DENND4A: variants seen among roughly 807,000 people sequenced by gnomAD.
DENND4A encodes DENN domain containing 4A.
In DENND4A, 70 loss-of-function variants were observed where a neutral mutation model predicts 199.3. The observed-to-expected ratio is 0.35, with a 90% CI of 0.29 to 0.43. The LOEUF (loss-of-function observed/expected upper bound fraction) is 0.43, where lower values mean the gene tolerates loss of function less well. DENND4A is among the 20% of genes least tolerant of loss of function. DENND4A has a pLI of 1.00. For synonymous variants in DENND4A, 686 were observed against 766.9 expected, an observed-to-expected ratio of 0.89 and a Z score of 1.74; for missense variants, 1,723 against 2,255.8, an observed-to-expected ratio of 0.76 and a Z score of 4.78.
At position 65,702,040 on chromosome 15, in the gene DENND4A, A is replaced by G. The variant is rs376712510; in HGVS notation, c.2431-150T>C. On this transcript the variant is annotated intron_variant, in intron 17 of 32. Coordinates refer to ENST00000443035, the MANE Select transcript of DENND4A (RefSeq NM_001320835.1). ...CATTTTGGGAGGGCAAGGCAGGTGA[A>G]GCTCTGGAGCCCAGGAGCTTCTGAC... 8.2e-4 allele frequency: 918 copies of G among 1,121,176 alleles called. 3 individuals carry two copies. Among genetic ancestry groups the G allele is most frequent in the South Asian group, 6.9e-3 (466 of 67,744 alleles). 69.5% of individuals were successfully genotyped at this position (1,121,176 alleles called of 1,614,324 possible). A position where few individuals can be genotyped will look rare whatever the true frequency, so the allele number is the denominator to read the frequency against.
intron 4 of DENND4A, among the ~76,000 whole-genome samples, chr15:65,743,563 A>C (rs1474600728): frequency 6.6e-6 from 1 of 152,200 alleles, no homozygotes; most frequent in East Asian, 1.9e-4. Flanking sequence ...TTTTTACTAC[A>C]GCACTTAACA....
At position 65,723,670 on chromosome 15, in the gene DENND4A, T is replaced by C. The variant is rs577878490; in HGVS notation, c.1488-722A>G. 4.0e-4 allele frequency among the ~76,000 whole-genome samples: 61 copies of C among 152,282 alleles called. No homozygotes were observed. In the South Asian group the frequency reaches 7.7e-3, roughly 19 times the overall value. ...TATTTACTATGTTTTTTCCCAAGCA[T>C]ATATACCTATGATAAAGTTCAATTT... is the stretch of plus-strand genomic sequence containing the variant. On this transcript the variant is annotated intron_variant, in intron 11 of 32. Transcript: ENST00000443035.
chr15:65,716,908 T>C (rs1030313821), intron 13 of DENND4A, among the ~76,000 whole-genome samples: 2 of 152,056 alleles, frequency 1.3e-5, no homozygotes, highest in Non-Finnish European at 2.9e-5. Context: ...CCAGCACCTG[T>C]TGTTTCCTGA....
At chr15:65,728,460 TA>T (rs1389990659) in intron 11 of DENND4A, among the ~76,000 whole-genome samples, 1 of 151,636 alleles carries the variant, frequency 6.6e-6, no homozygotes, top group Non-Finnish European at 1.5e-5. Context: ...TCCCTTTGGC[TA>T]AATTTCTTTT....
chr15:65,754,735 G>A lies in DENND4A; in HGVS notation c.311+1405C>T, dbSNP rs116633318. On this transcript the variant is annotated intron_variant, in intron 3 of 32. Transcript: ENST00000443035. ...ATGAGATACCATCTCACACCTGCTGGGACAGCAATAATCAAAATAATATGA... is the reference window on the plus strand; with the variant it reads ...ATGAGATACCATCTCACACCTGCTGAGACAGCAATAATCAAAATAATATGA... Among the ~76,000 whole-genome samples the A allele has an allele frequency of 5.1e-3, 776 of 152,208 alleles. 10 individuals carry two copies. The highest frequency in any genetic ancestry group is 0.018 in the African/African-American group (729 of 41,514).
intron 1 of DENND4A, among the ~76,000 whole-genome samples, chr15:65,790,099 A>AT (rs1248095252): frequency 6.6e-6 from 1 of 152,140 alleles, no homozygotes; most frequent in African/African-American, 2.4e-5. Flanking sequence ...TTCTGCCATA[A>AT]TTTTTTTAAT....
At position 65,690,864 on chromosome 15, in the gene DENND4A, C is replaced by T; in HGVS notation, c.3730G>A (p.Ala1244Thr). The T allele has an allele frequency of 6.2e-7, 1 of 1,612,080 alleles. No individual in the cohort carries two copies. Among genetic ancestry groups the T allele is most frequent in the South Asian group, 1.1e-5 (1 of 90,856 alleles). ...ATTTCTTCAGCTAAATCACGCCTAG[C>T]AGATGGTGTTGAAATGCTTTTGCTA... The part of the protein sequence containing the change: ...DDSKSISTPS[A>T]RRDLAEEIVM... Residue 1244 changes from alanine (A) to threonine (T), a missense_variant, in exon 23 of 33, where the codon GCT becomes ACT. Ala to Thr is a moderately conservative substitution (Grantham distance 58). Transcript: ENST00000443035.
rs2075793389 is a variant in DENND4A at position 65,659,546 on chromosome 15, C to T, written c.*2305G>A. On this transcript the variant is annotated 3_prime_UTR_variant, in exon 33 of 33. Coordinates refer to ENST00000443035, the MANE Select transcript of DENND4A (RefSeq NM_001320835.1). Reference sequence around the variant, plus strand: ...AGAGACAGGGTCTCTCTATGTTGCTCAGGCTGGTTTTGAACTCCTGGACTC... The same window carrying T: ...AGAGACAGGGTCTCTCTATGTTGCTTAGGCTGGTTTTGAACTCCTGGACTC... 1.3e-5 allele frequency: 2 copies of T among 151,806 alleles called. No individual in the cohort carries two copies. Among genetic ancestry groups the T allele is most frequent in the Non-Finnish European group, 2.9e-5 (2 of 67,962 alleles). The allele number at this position is 151,806 out of a possible 1,614,324, so 9.4% of individuals were successfully genotyped here. A position where few individuals can be genotyped will look rare whatever the true frequency, so the allele number is the denominator to read the frequency against.
chr15:65,700,472 A>T, intron 20 of DENND4A, 72 bp downstream of exon 20: 1 of 1,026,006 alleles, frequency 9.7e-7, no homozygotes, highest in Non-Finnish European at 1.3e-6. Context: ...ATGAAAATGT[A>T]AAAAAACATA....
At chr15:65,731,457 A>T in intron 9 of DENND4A, 185 bp downstream of exon 9, 1 of 621,830 alleles carries the variant, frequency 1.6e-6, no homozygotes. Context: ...ACAAAACACT[A>T]TTAGAAAAGT....
chr15:65,698,479 CG>C (rs1555420001), intron 20 of DENND4A, among the ~76,000 whole-genome samples: 2 of 151,832 alleles, frequency 1.3e-5, no homozygotes, highest in Non-Finnish European at 2.9e-5. Flanking sequence ...ATTTGTAAAA[CG>C]TAAGGTTGTT....
chr15:65,731,778 AAAT>A, intron 8 of DENND4A, 78 bp from the exon 9 acceptor site: 4 of 1,017,630 alleles, frequency 3.9e-6, no homozygotes, highest in East Asian at 5.4e-5. Context: ...AAAATATATA[AAAT>A]AATGATTATG....
intron 1 of DENND4A, among the ~76,000 whole-genome samples, chr15:65,762,081 C>T (rs1182661306): frequency 2.0e-5 from 3 of 152,158 alleles, no homozygotes; most frequent in Non-Finnish European, 4.4e-5. Flanking sequence ...GATCTCGGCT[C>T]ACCGCAACCT....
chr15:65,773,813 T>C (rs1188504785), intron 1 of DENND4A, among the ~76,000 whole-genome samples: 1 of 152,166 alleles, frequency 6.6e-6, no homozygotes, highest in Non-Finnish European at 1.5e-5. Flanking sequence ...CTCCTTCTCA[T>C]CTCAGTCACT....
intron 4 of DENND4A, among the ~76,000 whole-genome samples, chr15:65,746,211 A>G (rs1264472053): frequency 3.3e-5 from 5 of 151,924 alleles, no homozygotes; most frequent in African/African-American, 9.7e-5. Flanking sequence ...GTGAAAAAAG[A>G]AGGAGGCATT....
intron 14 of DENND4A, 66 bp from the exon 15 acceptor site, chr15:65,706,290 G>T: frequency 7.3e-7 from 1 of 1,375,466 alleles, no homozygotes; most frequent in African/African-American, 1.5e-5. Context: ...CATATAAAGG[G>T]AAGTGGTTAA....
chr15:65,693,615 A>G (rs992685374), intron 22 of DENND4A, among the ~76,000 whole-genome samples: 2 of 151,002 alleles, frequency 1.3e-5, no homozygotes, highest in Non-Finnish European at 3.0e-5. Flanking sequence ...CACCCTCTCA[A>G]TTCCTCCTTT....
chr15:65,698,484 GGTT>G (rs2077231486), intron 20 of DENND4A, among the ~76,000 whole-genome samples: 2 of 151,982 alleles, frequency 1.3e-5, no homozygotes, highest in African/African-American at 4.8e-5. Flanking sequence ...TAAAACGTAA[GGTT>G]GTTATTACTA....
At chr15:65,709,723 T>A (rs867966189) in intron 14 of DENND4A, among the ~76,000 whole-genome samples, 1,192 of 99,582 alleles carry the variant, frequency 0.012, 7 homozygotes, top group Middle Eastern at 0.021. Flanking sequence ...AAAAAAAATA[T>A]ATATATATAT....
Sources: gnomAD v4.1 joint callset for allele counts (sites outside exome capture counted in the v4.1 genomes callset) on GRCh38, gnomAD v4.1.1 for gene constraint, MANE v1.5 for transcripts, NCBI Gene and HGNC (gene_info 2026-07-23, HGNC 2026-07-21) for gene names.